PPP1R3A: variants seen among roughly 807,000 people sequenced by gnomAD.
The protein encoded by PPP1R3A is RG1.
In PPP1R3A, 29 loss-of-function variants were observed where a neutral mutation model predicts 41.7. The ratio of observed to expected loss-of-function variants is 0.70; its 90% confidence interval spans 0.52 to 0.95. PPP1R3A has a LOEUF of 0.95. PPP1R3A is among the 40% of genes least tolerant of loss of function. The pLI is 0.00. For missense variants in PPP1R3A, 1,352 were observed against 1,292.4 expected (o/e 1.05, Z -0.71); for synonymous variants, 485 against 453.4 (o/e 1.07, Z -0.89).
Position 113,879,800 on chromosome 7 carries a change from T to A in PPP1R3A, c.1292A>T (p.His431Leu), listed in dbSNP as rs747922686. 1 of 1,613,574 alleles carries A rather than the reference T, an allele frequency of 6.2e-7. No homozygotes were observed. The highest frequency in any genetic ancestry group is 1.3e-5 in the African/African-American group (1 of 74,998). ...ATCCAGGACTTCTTTGCTGCCAGTATGTAATTGCACTAGTTCATCACTACT... is the reference window on the plus strand; with the variant it reads ...ATCCAGGACTTCTTTGCTGCCAGTAAGTAATTGCACTAGTTCATCACTACT... ...DTSSDELVQLHTGSKEVLDDN... is the reference protein window; with the variant it reads ...DTSSDELVQLLTGSKEVLDDN... Residue 431 changes from histidine to leucine, a missense_variant, in exon 4 of 4, where the codon CAT becomes CTT. Coordinates refer to ENST00000284601, the MANE Select transcript of PPP1R3A (RefSeq NM_002711.4).
chr7:113,883,310 G>A (rs1349924275), intron 1 of PPP1R3A, among the ~76,000 whole-genome samples: 1 of 151,950 alleles, frequency 6.6e-6, no homozygotes, highest in Non-Finnish European at 1.5e-5. Context: ...GTTGGCAATG[G>A]CTGATAAATT....
intron 1 of PPP1R3A, among the ~76,000 whole-genome samples, chr7:113,887,089 T>C (rs1217118331): frequency 3.9e-5 from 6 of 152,150 alleles, no homozygotes; most frequent in African/African-American, 1.4e-4. Flanking sequence ...TGTTCTTCTC[T>C]TATTTCTTCA....
At chr7:113,908,704 G>A (rs59263738) in intron 1 of PPP1R3A, among the ~76,000 whole-genome samples, 6,150 of 151,758 alleles carry the variant, frequency 0.041, 386 homozygotes, top group African/African-American at 0.14. Context: ...AGATGTTATT[G>A]TAGCACTATT....
chr7:113,879,671 G>A lies in PPP1R3A; in HGVS notation c.1421C>T (p.Ala474Val). The A allele has an allele frequency of 6.2e-7, 1 of 1,612,856 alleles. No homozygotes were observed. Among genetic ancestry groups the A allele is most frequent in the Non-Finnish European group, 8.5e-7 (1 of 1,179,598 alleles). ...GNLNKKHEGG[A>V]KNIEVKDLGC... Reference sequence around the variant, plus strand: ...CAAATCTTTTACTTCAATATTTTTAGCTCCTCCTTCATGTTTTTTATTAAG... The same window carrying A: ...CAAATCTTTTACTTCAATATTTTTAACTCCTCCTTCATGTTTTTTATTAAG... The change falls in exon 4 of 4, where the codon GCT (alanine) becomes GTT (valine). Residue 474 changes from alanine to valine, a missense_variant. Physicochemically the swap from Ala to Val is moderately conservative, Grantham distance 64 (BLOSUM62 0). Transcript: ENST00000284601.
At chr7:113,908,601 G>T (rs534443819) in intron 1 of PPP1R3A, among the ~76,000 whole-genome samples, 1 of 151,788 alleles carries the variant, frequency 6.6e-6, no homozygotes, top group Non-Finnish European at 1.5e-5. Flanking sequence ...TAAAACAAAA[G>T]GATACAATGT....
At position 113,918,354 on chromosome 7, in the gene PPP1R3A, C is replaced by T. The variant is rs755371501; in HGVS notation, c.643G>A (p.Val215Ile). ...TTATTATTTGACCAAAATGTACCAA[C>T]AGAAGTTTCATAACGTATACAAAAC... Reference protein sequence around the residue: ...VEFCIRYETSVGTFWSNNNGT... With the variant: ...VEFCIRYETSIGTFWSNNNGT... Residue 215 changes from valine to isoleucine, a missense_variant, in exon 1 of 4, where the codon GTT (valine) becomes ATT (isoleucine). Coordinates refer to ENST00000284601, the MANE Select transcript of PPP1R3A (RefSeq NM_002711.4). 10 of 1,613,338 alleles carry T rather than the reference C, an allele frequency of 6.2e-6. No homozygotes were observed. Among genetic ancestry groups the T allele is most frequent in the South Asian group, 4.4e-5 (4 of 91,046 alleles).
intron 1 of PPP1R3A, among the ~76,000 whole-genome samples, chr7:113,901,514 T>C (rs182978974): frequency 5.3e-5 from 8 of 151,928 alleles, no homozygotes; most frequent in Non-Finnish European, 7.4e-5. Flanking sequence ...TCCAAATTAA[T>C]TTCTCCTCAA....
chr7:113,882,257 A>G lies in PPP1R3A; in HGVS notation c.841+5T>C. The G allele has an allele frequency of 6.6e-7, 1 of 1,517,346 alleles. No individual in the cohort carries two copies. 94.0% of individuals were successfully genotyped at this position (1,517,346 alleles called of 1,614,324 possible). A position where few individuals can be genotyped will look rare whatever the true frequency, so the allele number is the denominator to read the frequency against. On this transcript the variant is annotated splice_donor_5th_base_variant and intron_variant, in intron 2 of 3. Coordinates refer to ENST00000284601, the MANE Select transcript of PPP1R3A (RefSeq NM_002711.4). The stretch of plus-strand genomic sequence containing the variant: ...TTTGGTTTTAAAATTAATGAAGAAT[A>G]TTACCTGTATTCTTTGGATTCTCAA...
At chr7:113,893,670 C>A (rs544866761) in intron 1 of PPP1R3A, among the ~76,000 whole-genome samples, 3 of 152,144 alleles carry the variant, frequency 2.0e-5, no homozygotes, top group Admixed American at 2.0e-4. Context: ...ATTCAAGTAA[C>A]TTAGAACATA....
intron 1 of PPP1R3A, among the ~76,000 whole-genome samples, chr7:113,910,020 C>CGTCAT (rs751893402): frequency 2.0e-5 from 3 of 151,990 alleles, no homozygotes; most frequent in Non-Finnish European, 4.4e-5. Context: ...ACAATCATGA[C>CGTCAT]GGAAGACAAA....
rs78809945 is a variant in PPP1R3A, at chr7:113,913,002, G to A, written c.782+5213C>T. On this transcript the variant is annotated intron_variant, in intron 1 of 3. Transcript: ENST00000284601. ...AACCAGGAAACCATGAAGCCTTGGT[G>A]GACCTCCAAGGAAACTTGAAGCCAG... 2.9e-4 allele frequency among the ~76,000 whole-genome samples: 44 copies of A among 152,190 alleles called. No homozygotes were observed. The East Asian group carries it at 7.6e-3, about 26-fold the overall frequency.
At chr7:113,890,163 C>T (rs573107296) in intron 1 of PPP1R3A, among the ~76,000 whole-genome samples, 1 of 152,118 alleles carries the variant, frequency 6.6e-6, no homozygotes. Flanking sequence ...GCCCAGGGCA[C>T]CAGCCAATTG....
At chr7:113,918,164 C>CA (rs752414603) in intron 1 of PPP1R3A, 51 bp downstream of exon 1, 2 of 1,479,098 alleles carry the variant, frequency 1.4e-6, no homozygotes, top group South Asian at 2.6e-5. Flanking sequence ...TAAAGAATGA[C>CA]ATAAAAACTT....
At chr7:113,906,776 T>C (rs1469195202) in intron 1 of PPP1R3A, among the ~76,000 whole-genome samples, 1 of 151,830 alleles carries the variant, frequency 6.6e-6, no homozygotes, top group African/African-American at 2.4e-5. Flanking sequence ...TGGGGACTAA[T>C]ACTTAGACTA....
In PPP1R3A at chr7:113,879,517, A is replaced by T. The variant is rs1295953742; in HGVS notation, c.1575T>A (p.Gly525=). ...AATTTTTTCTTTGTTTTTCATTAAC[A>T]CCTAAATATATTCTTTGTTCTTCAT... ...KDDEEQRIYL[G]VNEKQRKNFQ... is the part of the protein sequence containing the mutation. The change falls in exon 4 of 4, where the codon GGT becomes GGA. Residue 525 remains glycine, a synonymous_variant. Transcript: ENST00000284601. 1 of 1,613,012 alleles carries T rather than the reference A, an allele frequency of 6.2e-7. No individual in the cohort carries two copies. Among genetic ancestry groups the T allele is most frequent in the South Asian group, 1.1e-5 (1 of 91,066 alleles).
At chr7:113,905,912 T>A (rs1030844044) in intron 1 of PPP1R3A, among the ~76,000 whole-genome samples, 3 of 151,816 alleles carry the variant, frequency 2.0e-5, no homozygotes, top group East Asian at 3.9e-4. Context: ...GCCTATTGGA[T>A]GTTTCTTGTT....
In PPP1R3A at chr7:113,918,845, T is replaced by C. The variant is rs1797387266; in HGVS notation, c.152A>G (p.Asp51Gly). The stretch of plus-strand genomic sequence containing the variant: ...TGAAGATGGGGTATCCAGGTATATG[T>C]CTTCAGAAGAATCAGAACCTCGTCT... Reference protein sequence around the residue: ...PSRRGSDSSEDIYLDTPSSGT... With the variant: ...PSRRGSDSSEGIYLDTPSSGT... Residue 51 changes from aspartate (D) to glycine (G), a missense_variant, in exon 1 of 4, where the codon GAC becomes GGC. Coordinates refer to ENST00000284601, the MANE Select transcript of PPP1R3A (RefSeq NM_002711.4). The C allele has an allele frequency of 6.2e-7, 1 of 1,613,876 alleles. No homozygotes were observed. The highest frequency in any genetic ancestry group is 1.3e-5 in the African/African-American group (1 of 75,024).
At chr7:113,898,535 T>C (rs1279633518) in intron 1 of PPP1R3A, among the ~76,000 whole-genome samples, 3 of 151,754 alleles carry the variant, frequency 2.0e-5, no homozygotes, top group South Asian at 2.1e-4. Flanking sequence ...GTGACAAAGA[T>C]AATGATAACA....
chr7:113,879,551 C>A lies in PPP1R3A; in HGVS notation c.1541G>T (p.Gly514Val). 6.2e-7 allele frequency: 1 copy of A among 1,613,000 alleles called. No homozygotes were observed. The highest frequency in any genetic ancestry group is 8.5e-7 in the Non-Finnish European group (1 of 1,179,444). ...GSSKEDYYGN[G>V]KDDEEQRIYL... ...TATTCTTTGTTCTTCATCATCCTTA[C>A]CATTGCCATAATAATCTTCCTTAGA... The change falls in exon 4 of 4, where the codon GGT becomes GTT. Residue 514 changes from glycine to valine, a missense_variant. Gly to Val is a moderately radical substitution (Grantham distance 109). Transcript: ENST00000284601.
Sources: gnomAD v4.1 joint callset for allele counts (sites outside exome capture counted in the v4.1 genomes callset) on GRCh38, gnomAD v4.1.1 for gene constraint, MANE v1.5 for transcripts, NCBI Gene and HGNC (gene_info 2026-07-23, HGNC 2026-07-21) for gene names.